The following CECR2 variants were observed in gnomAD, a reference collection of about 807,000 sequenced individuals.
The protein encoded by CECR2 is CECR2 histone acetyl-lysine reader.
Under a neutral mutation model 154.5 loss-of-function variants are expected in CECR2, and 30 were observed. That is an observed-to-expected ratio of 0.19 (90% CI 0.15 to 0.26). The LOEUF (loss-of-function observed/expected upper bound fraction) is 0.26. CECR2 is among the 10% of genes least tolerant of loss of function. The pLI is 1.00. For synonymous variants in CECR2, 725 were observed against 683.7 expected (o/e 1.06, Z -0.94); for missense variants, 1,743 against 1,829.3 (o/e 0.95, Z 0.86).
chr22:17,391,107 T>G (rs547926990), intron 1 of CECR2, among the ~76,000 whole-genome samples: 32 of 152,382 alleles, frequency 2.1e-4, no homozygotes, highest in Middle Eastern at 3.4e-3. Context: ...CACATGTACA[T>G]GTACTTCCTA....
chr22:17,436,439 G>GT (rs562498518), intron 1 of CECR2, among the ~76,000 whole-genome samples: 30 of 152,322 alleles, frequency 2.0e-4, no homozygotes, highest in Middle Eastern at 3.4e-3. Flanking sequence ...AGAAAGACTT[G>GT]GGTTGCTTGT....
chr22:17,504,816 C>T, intron 6 of CECR2, 31 bp from the exon 7 acceptor site: 1 of 1,594,860 alleles, frequency 6.3e-7, no homozygotes, highest in Non-Finnish European at 8.6e-7. Context: ...CATGGGATCT[C>T]CTGTAGTGAA....
chr22:17,530,788 T>C (rs971121319), intron 9 of CECR2, among the ~76,000 whole-genome samples: 2 of 152,128 alleles, frequency 1.3e-5, no homozygotes, highest in Non-Finnish European at 2.9e-5. Flanking sequence ...TGGGGTGTTA[T>C]TCAGCCTTAA....
chr22:17,473,288 C>T (rs577568949), intron 1 of CECR2, among the ~76,000 whole-genome samples: 2 of 152,146 alleles, frequency 1.3e-5, no homozygotes, highest in Non-Finnish European at 2.9e-5. Context: ...TTTCTGTGCT[C>T]ACAGCTCAAT....
chr22:17,542,337 G>C lies in CECR2; in HGVS notation c.2194G>C (p.Gly732Arg). Residue 732 changes from glycine to arginine, a missense_variant, in exon 16 of 19, where the codon GGA becomes CGA. Coordinates refer to ENST00000262608, the MANE Select transcript of CECR2 (RefSeq NM_001290047.2). ...SMYAPAQFQPGFIPPRHGGAP... is the reference protein window; with the variant it reads ...SMYAPAQFQPRFIPPRHGGAP... ...GTATGCTCCAGCTCAGTTCCAGCCA[G>C]GATTCATTCCTCCCCGGCATGGGGG... 6.2e-7 allele frequency: 1 copy of C among 1,613,636 alleles called. No individual in the cohort carries two copies. The highest frequency in any genetic ancestry group is 8.5e-7 in the Non-Finnish European group (1 of 1,179,748).
intron 1 of CECR2, among the ~76,000 whole-genome samples, chr22:17,473,300 C>T (rs2055158400): frequency 6.6e-6 from 1 of 152,048 alleles, no homozygotes; most frequent in African/African-American, 2.4e-5. Context: ...CAGCTCAATG[C>T]TCACAGTGAA....
intron 8 of CECR2, among the ~76,000 whole-genome samples, chr22:17,521,682 T>A (rs1291542969): frequency 2.0e-5 from 3 of 152,208 alleles, no homozygotes; most frequent in African/African-American, 7.2e-5. Context: ...TTGTAAAAAT[T>A]TTCTCCCATT....
intron 2 of CECR2, among the ~76,000 whole-genome samples, chr22:17,490,246 G>C (rs1456222287): frequency 6.6e-6 from 1 of 151,456 alleles, no homozygotes; most frequent in Non-Finnish European, 1.5e-5. Context: ...TGCCCATTTT[G>C]TCTCATGGGT....
At chr22:17,476,371 T>C (rs2055208072) in intron 1 of CECR2, among the ~76,000 whole-genome samples, 1 of 151,990 alleles carries the variant, frequency 6.6e-6, no homozygotes. Flanking sequence ...TTCAAGCGAT[T>C]CTTGTGTCTC....
intron 1 of CECR2, among the ~76,000 whole-genome samples, chr22:17,475,519 C>G (rs978706229): frequency 6.6e-6 from 1 of 152,044 alleles, no homozygotes; most frequent in African/African-American, 2.4e-5. Flanking sequence ...GTCTCAAACT[C>G]CTGGGCTCAG....
In CECR2 at chr22:17,542,062, T is replaced by C; in HGVS notation, c.2013+95T>C. 1.9e-6 allele frequency: 3 copies of C among 1,568,982 alleles called. No individual in the cohort carries two copies. The East Asian group carries it at 6.8e-5, about 35-fold the overall frequency. On this transcript the variant is annotated intron_variant, in intron 15 of 18. Transcript: ENST00000262608. Reference sequence around the variant, plus strand: ...TCCAGGTTAAATGTTGTTCATTGCGTCCTTTCCCAAAGAGTCTGTTCCCAT... The same window carrying C: ...TCCAGGTTAAATGTTGTTCATTGCGCCCTTTCCCAAAGAGTCTGTTCCCAT...
At position 17,445,191 on chromosome 22, in the gene CECR2, A is replaced by G. The variant is rs186021837; in HGVS notation, c.127-32397A>G. Among the ~76,000 whole-genome samples, 3 of 152,302 alleles carry G rather than the reference A, an allele frequency of 2.0e-5. No individual in the cohort carries two copies. The East Asian group carries it at 5.8e-4, about 29-fold the overall frequency. On this transcript the variant is annotated intron_variant, in intron 1 of 18. Coordinates refer to ENST00000262608, the MANE Select transcript of CECR2 (RefSeq NM_001290047.2). ...CATTATACTTTATGACCTAAGATCTATAGGTTTTCATTTCCTTGAGAAGAA... is the reference window on the plus strand; with the variant it reads ...CATTATACTTTATGACCTAAGATCTGTAGGTTTTCATTTCCTTGAGAAGAA...
At chr22:17,442,294 T>A (rs115285997) in intron 1 of CECR2, among the ~76,000 whole-genome samples, 48 of 152,310 alleles carry the variant, frequency 3.2e-4, no homozygotes, top group African/African-American at 1.1e-3. Flanking sequence ...CCAGGTGTGG[T>A]GGCTCACACC....
chr22:17,475,894 CAT>C (rs1287863794), intron 1 of CECR2, among the ~76,000 whole-genome samples: 1 of 151,948 alleles, frequency 6.6e-6, no homozygotes, highest in Non-Finnish European at 1.5e-5. Flanking sequence ...CTTGGGCTAA[CAT>C]CTCCCCTCCC....
At chr22:17,378,135 C>G (rs2063139979) in intron 1 of CECR2, among the ~76,000 whole-genome samples, 1 of 151,652 alleles carries the variant, frequency 6.6e-6, no homozygotes, top group African/African-American at 2.4e-5. Flanking sequence ...AGGTGCCCAC[C>G]ACCACGCCCG....
chr22:17,502,860 C>A (rs2055764149), intron 5 of CECR2, among the ~76,000 whole-genome samples: 1 of 152,110 alleles, frequency 6.6e-6, no homozygotes, highest in Non-Finnish European at 1.5e-5. Context: ...ATACTGTTGC[C>A]ATAACATAGG....
Position 17,548,321 on chromosome 22 carries a change from T to C in CECR2, c.3034T>C (p.Ser1012Pro). Reference sequence around the variant, plus strand: ...GGAGCTCAAAAGCAGCTCCTCCGAATCTGCGGACAACTGTAAAGCAATGAA... The same window carrying C: ...GGAGCTCAAAAGCAGCTCCTCCGAACCTGCGGACAACTGTAAAGCAATGAA... ...GPELKSSSSE[S>P]ADNCKAMKGK... The change falls in exon 17 of 19, where the codon TCT (serine) becomes CCT (proline). Residue 1012 changes from serine (S) to proline (P), a missense_variant. Physicochemically the swap from Ser to Pro is moderately conservative, Grantham distance 74. Transcript: ENST00000262608. The C allele has an allele frequency of 1.9e-6, 3 of 1,611,330 alleles. No homozygotes were observed. The South Asian group carries it at 3.3e-5, about 18-fold the overall frequency.
upstream of CECR2, among the ~76,000 whole-genome samples, chr22:17,364,764 T>C (rs1049302106): frequency 6.6e-6 from 1 of 151,970 alleles, no homozygotes; most frequent in Non-Finnish European, 1.5e-5. Flanking sequence ...AAGGCAGAGG[T>C]TGCAGTGAGC....
At chr22:17,445,088 T>C (rs1399036545) in intron 1 of CECR2, among the ~76,000 whole-genome samples, 1 of 152,266 alleles carries the variant, frequency 6.6e-6, no homozygotes, top group Non-Finnish European at 1.5e-5. Flanking sequence ...CTATAGTACA[T>C]ATTCACAATT....
Sources: allele counts gnomAD v4.1 joint callset (sites outside exome capture counted in the v4.1 genomes callset), GRCh38; gene constraint gnomAD v4.1.1; transcripts MANE v1.5; gene names NCBI Gene and HGNC (gene_info 2026-07-23, HGNC 2026-07-21).